Variants in SKAP2 observed in about 807,000 individuals in gnomAD.
SKAP2 encodes the protein src kinase-associated phosphoprotein 2.
Under a neutral mutation model 54.9 loss-of-function variants are expected in SKAP2, and 28 were observed. That is an observed-to-expected ratio of 0.51 (90% CI 0.38 to 0.70). The LOEUF is 0.70. Among genes scored for constraint, SKAP2 ranks in the 30% least tolerant of loss-of-function variants. The probability of loss-of-function intolerance (pLI) is 0.00; values close to 1 mark genes in which losing one functional copy is unlikely to be tolerated. For synonymous variants in SKAP2, 137 were observed against 134.3 expected (o/e 1.02, Z -0.14); for missense variants, 356 against 424.1 (o/e 0.84, Z 1.41).
At chr7:26,664,851 G>A (rs1346553547), downstream of SKAP2, among the ~76,000 whole-genome samples, 5 of 151,794 alleles carry the variant, frequency 3.3e-5, no homozygotes, top group African/African-American at 1.2e-4. Context: ...TTTGCACATA[G>A]TCAAGTGTTT....
chr7:26,764,177 G>C (rs1782993991), intron 4 of SKAP2, among the ~76,000 whole-genome samples: 1 of 152,146 alleles, frequency 6.6e-6, no homozygotes, highest in East Asian at 1.9e-4. Context: ...AACGTGACTT[G>C]ATATGTATGT....
chr7:26,673,896 T>C (rs932427114), intron 11 of SKAP2, among the ~76,000 whole-genome samples: 1 of 152,116 alleles, frequency 6.6e-6, no homozygotes. Flanking sequence ...TCCAACATAA[T>C]AGTAATATTT....
chr7:26,782,177 T>C lies in SKAP2; in HGVS notation c.308-42213A>G, dbSNP rs182895383. ...GACCACTAAATATGCTATAAGCCATTATAACATCATTTGGGTATATGTTGA... is the reference window on the plus strand; with the variant it reads ...GACCACTAAATATGCTATAAGCCATCATAACATCATTTGGGTATATGTTGA... On this transcript the variant is annotated intron_variant, in intron 4 of 12. Transcript: ENST00000345317. 7.9e-4 allele frequency among the ~76,000 whole-genome samples: 120 copies of C among 152,338 alleles called. 1 individual carries two copies. Among genetic ancestry groups the C allele is most frequent in the Admixed American group, 2.2e-3 (33 of 15,290 alleles).
intron 4 of SKAP2, among the ~76,000 whole-genome samples, chr7:26,756,890 T>G (rs1328477859): frequency 1.3e-5 from 2 of 152,240 alleles, no homozygotes; most frequent in Non-Finnish European, 2.9e-5. Context: ...TGTGAGATGG[T>G]ATCTCATTGT....
intron 4 of SKAP2, among the ~76,000 whole-genome samples, chr7:26,768,326 A>T: frequency 6.9e-6 from 1 of 145,266 alleles, no homozygotes; most frequent in Non-Finnish European, 1.5e-5. Flanking sequence ...ATATTCCTCC[A>T]TCCCTTTATT....
chr7:26,699,833 C>T (rs573416146), intron 9 of SKAP2, among the ~76,000 whole-genome samples: 1 of 152,058 alleles, frequency 6.6e-6, no homozygotes, highest in Non-Finnish European at 1.5e-5. Flanking sequence ...AAAATGATAT[C>T]CTGCTAACCT....
chr7:26,826,302 G>A (rs989085881), intron 4 of SKAP2, among the ~76,000 whole-genome samples: 1 of 152,162 alleles, frequency 6.6e-6, no homozygotes, highest in Non-Finnish European at 1.5e-5. Context: ...TATGGGTACA[G>A]TGTCTCTAAG....
chr7:26,695,536 C>G (rs1352110454), intron 9 of SKAP2, among the ~76,000 whole-genome samples: 1 of 152,212 alleles, frequency 6.6e-6, no homozygotes, highest in East Asian at 1.9e-4. Context: ...TGCCTTAACT[C>G]TAAGCCACAG....
intron 4 of SKAP2, among the ~76,000 whole-genome samples, chr7:26,820,382 C>G (rs1225922796): frequency 6.6e-6 from 1 of 152,066 alleles, no homozygotes; most frequent in Admixed American, 6.6e-5. Context: ...CATATCTTGG[C>G]TTTTTTGGTC....
the SKAP2 span, among the ~76,000 whole-genome samples, chr7:26,656,520 T>A: frequency 6.6e-6 from 1 of 152,216 alleles, no homozygotes; most frequent in Non-Finnish European, 1.5e-5. Context: ...AACACAGATA[T>A]GTTCTGAAAG....
chr7:26,746,243 C>T (rs1290103061), intron 4 of SKAP2, among the ~76,000 whole-genome samples: 1 of 152,168 alleles, frequency 6.6e-6, no homozygotes. Flanking sequence ...ACTCAGAACT[C>T]ATCATTCCAC....
chr7:26,824,194 C>T (rs1205661067), intron 4 of SKAP2, among the ~76,000 whole-genome samples: 1 of 152,094 alleles, frequency 6.6e-6, no homozygotes, highest in African/African-American at 2.4e-5. Context: ...GAGACGAGAC[C>T]CTCGACCAGC....
intron 1 of SKAP2, among the ~76,000 whole-genome samples, chr7:26,859,268 G>GAA (rs879314825): frequency 2.8e-4 from 34 of 123,492 alleles, no homozygotes; most frequent in African/African-American, 7.2e-4. Context: ...CTACCATCAG[G>GAA]AAAAAAAAAA....
intron 4 of SKAP2, among the ~76,000 whole-genome samples, chr7:26,810,694 T>C (rs73067437): frequency 0.17 from 26,258 of 152,146 alleles, 2,821 homozygotes; most frequent in Non-Finnish European, 0.24. Context: ...TGTTTGTTTT[T>C]TTCTTTGAGA....
chr7:26,749,022 T>A (rs1390930155), intron 4 of SKAP2, among the ~76,000 whole-genome samples: 1 of 152,138 alleles, frequency 6.6e-6, no homozygotes, highest in Non-Finnish European at 1.5e-5. Flanking sequence ...TTAAGATAAC[T>A]CTTTAAGAAA....
At chr7:26,836,496 A>C (rs1330601984) in intron 4 of SKAP2, among the ~76,000 whole-genome samples, 1 of 152,234 alleles carries the variant, frequency 6.6e-6, no homozygotes, top group Non-Finnish European at 1.5e-5. Flanking sequence ...TTACAAGAAA[A>C]AAACAAACAA....
At chr7:26,694,185 T>C (rs958888843) in intron 9 of SKAP2, among the ~76,000 whole-genome samples, 1 of 152,186 alleles carries the variant, frequency 6.6e-6, no homozygotes, top group African/African-American at 2.4e-5. Context: ...TACTAATTAA[T>C]ACCTCAAGTA....
chr7:26,783,206 A>C (rs1321951703), intron 4 of SKAP2, among the ~76,000 whole-genome samples: 5 of 152,180 alleles, frequency 3.3e-5, no homozygotes, highest in African/African-American at 1.2e-4. Context: ...TAAAGCAGGT[A>C]TCCAGACGTT....
intron 4 of SKAP2, among the ~76,000 whole-genome samples, chr7:26,836,714 T>A (rs1053081642): frequency 6.6e-6 from 1 of 152,128 alleles, no homozygotes; most frequent in African/African-American, 2.4e-5. Flanking sequence ...TGTGGAGAAA[T>A]AGGAATGCTT....
Sources: allele counts gnomAD v4.1 joint callset (sites outside exome capture counted in the v4.1 genomes callset), GRCh38; gene constraint gnomAD v4.1.1; transcripts MANE v1.5; gene names NCBI Gene and HGNC (gene_info 2026-07-23, HGNC 2026-07-21).